Variants in NFIB observed in about 807,000 individuals in gnomAD.
The protein encoded by NFIB is nuclear factor 1 B-type.
In NFIB, 11 loss-of-function variants were observed where a neutral mutation model predicts 61.5. That is an observed-to-expected ratio of 0.18 (90% CI 0.11 to 0.30). NFIB has a LOEUF of 0.30. NFIB is among the 10% of genes least tolerant of loss of function. NFIB has a pLI of 1.00. For synonymous variants in NFIB, 260 were observed against 216.5 expected, an observed-to-expected ratio of 1.20 and a Z score of -1.76; for missense variants, 471 against 608.9, an observed-to-expected ratio of 0.77 and a Z score of 2.38.
At chr9:14,499,067 G>GGT in the NFIB span, among the ~76,000 whole-genome samples, 1 of 151,276 alleles carries the variant, frequency 6.6e-6, no homozygotes, top group African/African-American at 2.4e-5. Flanking sequence ...TGCGTGTGTG[G>GGT]GTGTGTGTGT....
intron 2 of NFIB, among the ~76,000 whole-genome samples, chr9:14,233,873 A>G (rs2053465314): frequency 6.6e-6 from 1 of 152,244 alleles, no homozygotes; most frequent in Admixed American, 6.5e-5. Flanking sequence ...CTGAAATAAT[A>G]ACTCTGAGGG....
At chr9:14,485,216 T>C in the NFIB span, among the ~76,000 whole-genome samples, 1 of 152,196 alleles carries the variant, frequency 6.6e-6, no homozygotes, top group Non-Finnish European at 1.5e-5. Flanking sequence ...AGAAACCTCA[T>C]GACATCTTGT....
chr9:14,303,474 A>T (rs1262028877), intron 2 of NFIB, among the ~76,000 whole-genome samples: 2 of 152,220 alleles, frequency 1.3e-5, no homozygotes, highest in East Asian at 3.8e-4. Context: ...GACGTCTTTA[A>T]TATCTTTGGG....
At chr9:14,143,062 A>G (rs2041926097) in intron 6 of NFIB, among the ~76,000 whole-genome samples, 1 of 152,124 alleles carries the variant, frequency 6.6e-6, no homozygotes, top group South Asian at 2.1e-4. Context: ...CAAATTATAT[A>G]GCCCCCTACC....
At chr9:14,119,844 A>C (rs2119142226) in intron 8 of NFIB, among the ~76,000 whole-genome samples, 1 of 152,322 alleles carries the variant, frequency 6.6e-6, no homozygotes, top group East Asian at 1.9e-4. Context: ...AATGCTCATG[A>C]GTCACTACAC....
At chr9:14,315,544 GGCGGGCCGGCGGGC>G (rs1220705313), upstream of NFIB, among the ~76,000 whole-genome samples, 4 of 142,856 alleles carry the variant, frequency 2.8e-5, no homozygotes, top group Admixed American at 2.7e-4. Context: ...GGGGCTGCGG[GGCGGGCCGGCGGGC>G]GCGCGCGCGC....
At chr9:14,293,000 T>C (rs559865828) in intron 2 of NFIB, among the ~76,000 whole-genome samples, 50 of 152,340 alleles carry the variant, frequency 3.3e-4, no homozygotes, top group South Asian at 2.9e-3. Flanking sequence ...TATATTTTCA[T>C]TCCTTCTAAA....
At chr9:14,397,984 T>C (rs1356583114) in intron 1 of NFIB, among the ~76,000 whole-genome samples, 2 of 152,304 alleles carry the variant, frequency 1.3e-5, no homozygotes, top group South Asian at 2.1e-4. Flanking sequence ...CCTCCATTCA[T>C]TTAGTGCCCA....
chr9:14,125,639 T>C lies in NFIB; in HGVS notation c.1053A>G (p.Ala351=), dbSNP rs989501301. ...ATGCTTGAAACTCCTCACCACTGTG[T>C]GCAACTCCAGGTATTCCGGGATGGT... The part of the protein sequence containing the change: ...QHHHPGIPGV[A]HSVISTRTPP... The change falls in exon 7 of 11, where the codon GCA becomes GCG. Residue 351 remains alanine (A), a synonymous_variant. Coordinates refer to ENST00000380953, the MANE Select transcript of NFIB (RefSeq NM_001190737.2). 1 of 1,614,092 alleles carries C rather than the reference T, an allele frequency of 6.2e-7. No homozygotes were observed. The highest frequency in any genetic ancestry group is 8.5e-7 in the Non-Finnish European group (1 of 1,179,960).
intron 10 of NFIB, among the ~76,000 whole-genome samples, chr9:14,109,872 T>C (rs2037081556): frequency 6.6e-6 from 1 of 152,112 alleles, no homozygotes; most frequent in Non-Finnish European, 1.5e-5. Flanking sequence ...AGGTGAACTT[T>C]CTTCCAGTCA....
intron 2 of NFIB, among the ~76,000 whole-genome samples, chr9:14,181,654 T>C (rs2890982): frequency 0.71 from 108,039 of 152,180 alleles, 42,343 homozygotes; most frequent in South Asian, 0.91. Flanking sequence ...CTCTGACAAA[T>C]GTCTCTCAGC....
chr9:14,158,401 G>A (rs1189781535), intron 3 of NFIB, among the ~76,000 whole-genome samples: 8 of 152,102 alleles, frequency 5.3e-5, no homozygotes, highest in Non-Finnish European at 8.8e-5. Context: ...TCCTTCCTCT[G>A]TACTTGTATA....
chr9:14,169,631 G>A (rs763228054), intron 3 of NFIB, among the ~76,000 whole-genome samples: 3 of 152,140 alleles, frequency 2.0e-5, no homozygotes, highest in East Asian at 1.9e-4. Flanking sequence ...GACCAGCCTG[G>A]CCAACATGGC....
At chr9:14,096,000 T>A (rs1022583892) in intron 10 of NFIB, among the ~76,000 whole-genome samples, 34 of 152,160 alleles carry the variant, frequency 2.2e-4, no homozygotes, top group African/African-American at 8.2e-4. Context: ...ATTTATTATG[T>A]TTATTATGAT....
At chr9:14,321,921 A>T (rs925043780) in intron 1 of NFIB, 8 of 1,231,562 alleles carry the variant, frequency 6.5e-6, no homozygotes, top group Non-Finnish European at 7.1e-6. Context: ...AACAAAACCC[A>T]TCAGTTCAAA....
At chr9:14,376,709 G>C (rs2061424154) in intron 1 of NFIB, among the ~76,000 whole-genome samples, 2 of 151,888 alleles carry the variant, frequency 1.3e-5, no homozygotes, top group Admixed American at 6.6e-5. Flanking sequence ...GTAGAGACAG[G>C]GTTTCACCAT....
At chr9:14,141,970 C>G (rs1305017903) in intron 6 of NFIB, among the ~76,000 whole-genome samples, 1 of 147,222 alleles carries the variant, frequency 6.8e-6, no homozygotes, top group African/African-American at 2.5e-5. Context: ...TTTAACATAT[C>G]ATATTTTTTC....
At chr9:14,145,313 C>A (rs1442110904) in intron 6 of NFIB, among the ~76,000 whole-genome samples, 1 of 152,140 alleles carries the variant, frequency 6.6e-6, no homozygotes, top group African/African-American at 2.4e-5. Flanking sequence ...CCCACCACCA[C>A]CCTCTTCAGC....
Position 14,125,674 on chromosome 9 carries a change from G to A in NFIB, c.1018C>T (p.Pro340Ser), listed in dbSNP as rs369012818. 5.0e-6 allele frequency: 8 copies of A among 1,613,994 alleles called. No individual in the cohort carries two copies. The African/African-American group carries it at 6.7e-5, about 13-fold the overall frequency. The stretch of plus-strand genomic sequence containing the variant: ...GGTATTCCGGGATGGTGGTGCTGGG[G>A]GAAAGTGCTCAGTCTTGGGGAAGAA... ...QDSSPRLSTF[P>S]QHHHPGIPGV... The change falls in exon 7 of 11, where the codon CCC becomes TCC. Residue 340 changes from proline to serine, a missense_variant. Transcript: ENST00000380953.
Sources: allele counts gnomAD v4.1 joint callset (sites outside exome capture counted in the v4.1 genomes callset), GRCh38; gene constraint gnomAD v4.1.1; transcripts MANE v1.5; gene names NCBI Gene and HGNC (gene_info 2026-07-23, HGNC 2026-07-21).